The following ACSM2B variants were observed in gnomAD, a reference collection of about 807,000 sequenced individuals.
The protein encoded by ACSM2B is acyl-CoA synthetase medium chain family member 2B, also known as acyl-coenzyme A synthetase ACSM2B, mitochondrial.
A neutral mutation model predicts 78.6 loss-of-function variants in ACSM2B; 58 were observed. That is an observed-to-expected ratio of 0.74 (90% confidence interval 0.60 to 0.92). The LOEUF (loss-of-function observed/expected upper bound fraction) is 0.92. ACSM2B is among the 40% of genes least tolerant of loss of function. The pLI, the probability that ACSM2B is intolerant of heterozygous loss-of-function variation, is 0.00. For synonymous variants in ACSM2B, 257 were observed against 256.8 expected, an observed-to-expected ratio of 1.00 and a Z score of -0.01; for missense variants, 688 against 711.2, an observed-to-expected ratio of 0.97 and a Z score of 0.37.
chr16:20,538,033 C>T (rs2014891187), intron 13 of ACSM2B, among the ~76,000 whole-genome samples: 1 of 152,112 alleles, frequency 6.6e-6, no homozygotes, highest in African/African-American at 2.4e-5. Context: ...TTCCCAAATC[C>T]AAAGATATGG....
At chr16:20,552,594 G>A (rs772367378) in intron 5 of ACSM2B, among the ~76,000 whole-genome samples, 8 of 152,118 alleles carry the variant, frequency 5.3e-5, no homozygotes, top group Non-Finnish European at 8.8e-5. Flanking sequence ...ACAGTTTCTG[G>A]CATGCATGTG....
At chr16:20,545,305 G>T (rs774920407) in intron 9 of ACSM2B, 47 bp from the exon 10 acceptor site, 11 of 1,583,240 alleles carry the variant, frequency 6.9e-6, no homozygotes, top group South Asian at 1.1e-5. Context: ...AGCAGGAGAT[G>T]GCTTCAATGG....
chr16:20,569,331 C>G (rs578060785), intron 1 of ACSM2B, among the ~76,000 whole-genome samples: 6 of 152,084 alleles, frequency 3.9e-5, no homozygotes, highest in Middle Eastern at 3.4e-3. Flanking sequence ...GTCCTTTCCC[C>G]ACTTTGTGTT....
At chr16:20,541,445 G>A (rs1416030074) in intron 12 of ACSM2B, 4 of 152,000 alleles carry the variant, frequency 2.6e-5, no homozygotes, top group Non-Finnish European at 5.9e-5. Flanking sequence ...GGCTTTATAG[G>A]GGTCTTTCTT....
At chr16:20,546,618 C>G (rs1356060242) in intron 8 of ACSM2B, 144 bp from the exon 9 acceptor site, 2 of 1,327,052 alleles carry the variant, frequency 1.5e-6, no homozygotes, top group Non-Finnish European at 2.0e-6. Flanking sequence ...CATTCCCTGG[C>G]TCTCTCCCCA....
At chr16:20,572,660 T>G (rs1243772276) in intron 1 of ACSM2B, among the ~76,000 whole-genome samples, 6 of 150,752 alleles carry the variant, frequency 4.0e-5, no homozygotes, top group Non-Finnish European at 5.9e-5. Context: ...ATTATTTCCT[T>G]GAATACATTT....
intron 2 of ACSM2B, among the ~76,000 whole-genome samples, chr16:20,559,816 C>G (rs574905128): frequency 1.3e-5 from 2 of 150,754 alleles, no homozygotes; most frequent in African/African-American, 5.0e-5. Context: ...TCTGCAATTC[C>G]CTTTAATGTC....
intron 6 of ACSM2B, among the ~76,000 whole-genome samples, chr16:20,549,040 T>G (rs1425862374): frequency 6.6e-6 from 1 of 152,160 alleles, no homozygotes; most frequent in Non-Finnish European, 1.5e-5. Flanking sequence ...TCATTTAATT[T>G]TTCCAATAAC....
intron 13 of ACSM2B, among the ~76,000 whole-genome samples, chr16:20,538,857 C>G (rs536225109): frequency 1.3e-5 from 2 of 152,286 alleles, no homozygotes; most frequent in Non-Finnish European, 2.9e-5. Context: ...TGCTGCCTCA[C>G]TCTCAGAGGC....
chr16:20,539,923 T>C (rs1596701314), intron 13 of ACSM2B, among the ~76,000 whole-genome samples: 1 of 152,234 alleles, frequency 6.6e-6, no homozygotes. Flanking sequence ...TAGGAATGCC[T>C]GGGACTAGCC....
chr16:20,536,448 C>T lies in ACSM2B; in HGVS notation c.*810G>A, dbSNP rs1567202318. ...AATGTGTCTGGGTCAGTGCCTGGCACATGGCAAATGCTTAATAAATGGTGG... is the reference window on the plus strand; with the variant it reads ...AATGTGTCTGGGTCAGTGCCTGGCATATGGCAAATGCTTAATAAATGGTGG... On this transcript the variant is annotated 3_prime_UTR_variant, in exon 14 of 14. Coordinates refer to ENST00000329697, the MANE Select transcript of ACSM2B (RefSeq NM_001105069.2). The T allele has an allele frequency of 6.6e-6, 1 of 152,124 alleles. No individual in the cohort carries two copies. Among genetic ancestry groups the T allele is most frequent in the Admixed American group, 6.6e-5 (1 of 15,266 alleles). The allele number at this position is 152,124 out of a possible 1,614,324, so 9.4% of individuals were successfully genotyped here. A position where few individuals can be genotyped will look rare whatever the true frequency, so the allele number is the denominator to read the frequency against.
At chr16:20,568,694 G>A (rs2016005927) in intron 1 of ACSM2B, among the ~76,000 whole-genome samples, 1 of 151,742 alleles carries the variant, frequency 6.6e-6, no homozygotes, top group Admixed American at 6.6e-5. Flanking sequence ...CAGTGTAGAA[G>A]TGTTCCCTTT....
intron 12 of ACSM2B, 41 bp from the exon 13 acceptor site, chr16:20,540,814 G>A: frequency 1.3e-6 from 2 of 1,598,158 alleles, no homozygotes; most frequent in South Asian, 2.2e-5. Flanking sequence ...GGATTAGAGT[G>A]TGTAGTCATC....
chr16:20,564,113 C>A (rs1377924604), intron 2 of ACSM2B, among the ~76,000 whole-genome samples: 3 of 152,198 alleles, frequency 2.0e-5, no homozygotes, highest in African/African-American at 4.8e-5. Flanking sequence ...ATTTGCCCCC[C>A]ACTTTTTTGA....
intron 13 of ACSM2B, among the ~76,000 whole-genome samples, chr16:20,537,742 T>C (rs1258695193): frequency 2.0e-5 from 3 of 152,170 alleles, no homozygotes; most frequent in African/African-American, 7.2e-5. Context: ...TGGAGGATAA[T>C]AGCAACTTCA....
chr16:20,547,325 C>G, intron 8 of ACSM2B: 1 of 985,398 alleles, frequency 1.0e-6, no homozygotes, highest in Non-Finnish European at 1.2e-6. Context: ...ATTTGCAGAG[C>G]TCTTCCTGGC....
intron 10 of ACSM2B, chr16:20,544,624 G>A (rs1202773333): frequency 2.2e-5 from 22 of 985,220 alleles, no homozygotes; most frequent in Admixed American, 6.2e-5. Flanking sequence ...TCTAATGGTT[G>A]TGAGCTTGAG....
chr16:20,561,684 CT>C (rs67653970), intron 2 of ACSM2B, among the ~76,000 whole-genome samples: 11,801 of 148,596 alleles, frequency 0.079, 628 homozygotes, highest in East Asian at 0.2. Context: ...ACAATAATCT[CT>C]TTTTTTTTTG....
rs1375249172 is a variant in ACSM2B, at chr16:20,559,269, C to G, written c.356G>C (p.Trp119Ser). ...VAVMLPRVPE[W>S]WLVILGCIRA... ...AATGCAGCCCAGGATCACCAGCCACCACTCAGGCACTCGGGGCAGCATCAC... is the reference window on the plus strand; with the variant it reads ...AATGCAGCCCAGGATCACCAGCCACGACTCAGGCACTCGGGGCAGCATCAC... The change falls in exon 3 of 14, where the codon TGG becomes TCG. Residue 119 changes from tryptophan to serine, a missense_variant. Physicochemically the swap from Trp to Ser is radical, Grantham distance 177 (BLOSUM62 -3). Transcript: ENST00000329697. The G allele has an allele frequency of 6.2e-7, 1 of 1,613,500 alleles. No homozygotes were observed. Among genetic ancestry groups the G allele is most frequent in the Non-Finnish European group, 8.5e-7 (1 of 1,179,642 alleles).
Sources: allele counts gnomAD v4.1 joint callset (sites outside exome capture counted in the v4.1 genomes callset), GRCh38; gene constraint gnomAD v4.1.1; transcripts MANE v1.5; gene names NCBI Gene and HGNC (gene_info 2026-07-23, HGNC 2026-07-21).